The following GAS7 variants were observed in gnomAD, a reference collection of about 807,000 sequenced individuals.
GAS7 encodes the protein growth arrest-specific protein 7.
GAS7 carries 28 observed loss-of-function variants against 71.1 expected under a neutral mutation model. The ratio of observed to expected loss-of-function variants is 0.39; its 90% CI spans 0.29 to 0.54. The LOEUF is 0.54. Ranked by LOEUF, GAS7 falls within the 20% of genes least tolerant of loss-of-function variation. GAS7 has a pLI of 0.62. For synonymous variants in GAS7, 258 were observed against 245.8 expected (o/e 1.05, Z -0.46); for missense variants, 436 against 627.8 (o/e 0.69, Z 3.27).
chr17:10,068,873 T>C (rs2073310826), intron 1 of GAS7, among the ~76,000 whole-genome samples: 1 of 151,330 alleles, frequency 6.6e-6, no homozygotes, highest in Non-Finnish European at 1.5e-5. Flanking sequence ...AGTTCAGGAG[T>C]CCTCTCCCAG....
chr17:9,978,736 T>C (rs1208856228), intron 3 of GAS7, among the ~76,000 whole-genome samples: 11 of 152,100 alleles, frequency 7.2e-5, no homozygotes, highest in Non-Finnish European at 8.8e-5. Flanking sequence ...GATATTAATA[T>C]GTCAGGGGAA....
At chr17:10,005,217 G>GCATGTA (rs1567880479) in intron 2 of GAS7, among the ~76,000 whole-genome samples, 1 of 142,318 alleles carries the variant, frequency 7.0e-6, no homozygotes, top group African/African-American at 3.1e-5. Flanking sequence ...GCATGTGCGC[G>GCATGTA]TGTGCATGTA....
intron 2 of GAS7, among the ~76,000 whole-genome samples, chr17:10,005,084 T>TGTGCACGCATACATACATGTGTGTGC (rs140102794): frequency 3.3e-5 from 5 of 150,282 alleles, no homozygotes; most frequent in African/African-American, 1.2e-4. Flanking sequence ...CATACATGCG[T>TGTGCACGCATACATACATGTGTGTGC]GTGTGCACGC....
intron 2 of GAS7, among the ~76,000 whole-genome samples, chr17:10,005,174 CATGT>C (rs1185519277): frequency 3.3e-5 from 5 of 151,102 alleles, no homozygotes; most frequent in East Asian, 2.0e-4. Flanking sequence ...CGCACGCATG[CATGT>C]ATGTGTATGT....
In GAS7 at chr17:9,986,580, G is replaced by A. The variant is rs74720569; in HGVS notation, c.305-4696C>T. 1.1e-3 allele frequency among the ~76,000 whole-genome samples: 162 copies of A among 152,232 alleles called. 1 individual carries two copies. Among genetic ancestry groups the A allele is most frequent in the African/African-American group, 3.7e-3 (153 of 41,546 alleles). ...AATCAGAACAGCAGCCAGCAGCTCC[G>A]GGGGCTGCAGGAGGCTCTGAAACCC... On this transcript the variant is annotated intron_variant, in intron 2 of 13. Coordinates refer to ENST00000432992, the MANE Select transcript of GAS7 (RefSeq NM_201433.2).
At chr17:10,038,754 C>T (rs12937775) in intron 1 of GAS7, among the ~76,000 whole-genome samples, 1 of 142,648 alleles carries the variant, frequency 7.0e-6, no homozygotes, top group Admixed American at 7.3e-5. Context: ...AGCTGGAGTG[C>T]AGTGGCGCAA....
chr17:10,166,172 C>T (rs868302168), intron 1 of GAS7, among the ~76,000 whole-genome samples: 1 of 152,064 alleles, frequency 6.6e-6, no homozygotes, highest in Non-Finnish European at 1.5e-5. Context: ...TACAGGCACA[C>T]ATCACCATGC....
chr17:9,977,938 C>T (rs1408152333), intron 3 of GAS7, among the ~76,000 whole-genome samples: 4 of 152,186 alleles, frequency 2.6e-5, no homozygotes, highest in Non-Finnish European at 2.9e-5. Flanking sequence ...GCTGGCTGGG[C>T]ATGGCGGCTC....
chr17:9,924,639 A>G (rs1273126998), intron 11 of GAS7: 9 of 150,584 alleles, frequency 6.0e-5, no homozygotes, highest in Admixed American at 5.3e-4. Context: ...CTATTACATT[A>G]TTTTTTATTG....
chr17:10,023,070 G>A (rs747528163), intron 1 of GAS7, among the ~76,000 whole-genome samples: 2 of 152,190 alleles, frequency 1.3e-5, no homozygotes, highest in Non-Finnish European at 2.9e-5. Flanking sequence ...GGAAATTCAG[G>A]ACCTTACAGA....
In GAS7 at chr17:10,116,466, T is replaced by G. The variant is rs573007972; in HGVS notation, c.183+81742A>C. Among the ~76,000 whole-genome samples, 6 of 151,920 alleles carry G rather than the reference T, an allele frequency of 3.9e-5. No homozygotes were observed. In the East Asian group the frequency reaches 1.2e-3, roughly 29 times the overall value. On this transcript the variant is annotated intron_variant, in intron 1 of 13. Coordinates refer to ENST00000432992, the MANE Select transcript of GAS7 (RefSeq NM_201433.2). ...CCGGGGAATGCAAGCTGAAGAAGAG[T>G]GCCCTGGGCTGAGCGGGTCTCTGCA...
intron 1 of GAS7, among the ~76,000 whole-genome samples, chr17:10,066,193 A>G (rs1454095980): frequency 6.6e-6 from 1 of 152,180 alleles, no homozygotes; most frequent in Non-Finnish European, 1.5e-5. Flanking sequence ...AGACTGTGAC[A>G]AGGAGCCAAG....
chr17:9,924,620 G>A (rs541331216), intron 11 of GAS7: 7 of 146,566 alleles, frequency 4.8e-5, no homozygotes, highest in East Asian at 2.0e-4. Flanking sequence ...TATAATAAAC[G>A]TTATCCTTCT....
intron 3 of GAS7, among the ~76,000 whole-genome samples, chr17:9,972,164 G>A (rs544556351): frequency 4.3e-4 from 66 of 152,344 alleles, no homozygotes; most frequent in Non-Finnish European, 7.6e-4. Context: ...CCACCCTGCA[G>A]GGCCAGCTAC....
intron 1 of GAS7, among the ~76,000 whole-genome samples, chr17:10,197,702 A>T (rs2074550700): frequency 6.6e-6 from 1 of 151,136 alleles, no homozygotes; most frequent in South Asian, 2.1e-4. Flanking sequence ...TCGGCTGACC[A>T]GCAAGTGGGT....
intron 1 of GAS7, among the ~76,000 whole-genome samples, chr17:10,121,137 T>G (rs1333555132): frequency 6.6e-6 from 1 of 152,158 alleles, no homozygotes; most frequent in Non-Finnish European, 1.5e-5. Flanking sequence ...TCCCAGCACT[T>G]TGCGAGGCCG....
intron 1 of GAS7, among the ~76,000 whole-genome samples, chr17:10,020,899 T>A (rs568579620): frequency 6.6e-6 from 1 of 152,070 alleles, no homozygotes; most frequent in Admixed American, 6.5e-5. Context: ...GGTGACAGAG[T>A]GAGAGTCCAT....
chr17:10,054,139 CAGAA>C (rs1381740383), intron 1 of GAS7, among the ~76,000 whole-genome samples: 2 of 151,954 alleles, frequency 1.3e-5, no homozygotes. Flanking sequence ...AATTCACTTT[CAGAA>C]AGAAAGAGAC....
chr17:10,175,920 T>C (rs1194497507), intron 1 of GAS7, among the ~76,000 whole-genome samples: 1 of 152,190 alleles, frequency 6.6e-6, no homozygotes, highest in Non-Finnish European at 1.5e-5. Context: ...CATGGTATTC[T>C]TGAGCACTCC....
Sources: allele counts gnomAD v4.1 joint callset (sites outside exome capture counted in the v4.1 genomes callset), GRCh38; gene constraint gnomAD v4.1.1; transcripts MANE v1.5; gene names NCBI Gene and HGNC (gene_info 2026-07-23, HGNC 2026-07-21).